Variants in FKBP8 observed in about 807,000 individuals in gnomAD.
The protein encoded by FKBP8 is FKBP prolyl isomerase 8.
A neutral mutation model predicts 41.7 loss-of-function variants in FKBP8; 5 were observed. The observed-to-expected ratio is 0.12, with a 90% CI of 0.06 to 0.25. FKBP8 has a LOEUF of 0.25. Ranked by LOEUF, FKBP8 falls within the 10% of genes least tolerant of loss-of-function variation. The probability of loss-of-function intolerance (pLI) is 1.00; values close to 1 mark genes in which losing one functional copy is unlikely to be tolerated. For synonymous variants in FKBP8, 279 were observed against 254.5 expected (o/e 1.10, Z -0.92); for missense variants, 397 against 563.0 (o/e 0.71, Z 2.98).
intron 6 of FKBP8, among the ~76,000 whole-genome samples, chr19:18,533,591 G>A (rs966060665): frequency 6.6e-6 from 1 of 152,136 alleles, no homozygotes; most frequent in Non-Finnish European, 1.5e-5. Context: ...TGTAGTCCTA[G>A]CTACTCAGGA....
intron 6 of FKBP8, among the ~76,000 whole-genome samples, chr19:18,536,868 C>T (rs1234137009): frequency 3.3e-5 from 5 of 152,192 alleles, no homozygotes; most frequent in Non-Finnish European, 1.5e-5. Context: ...GAGAGCCTGG[C>T]TAGACAGCAG....
intron 1 of FKBP8, 122 bp from the exon 2 acceptor site, chr19:18,542,117 T>C: frequency 7.1e-7 from 1 of 1,404,222 alleles, no homozygotes; most frequent in Non-Finnish European, 9.4e-7. Context: ...GGCCTCAGTT[T>C]CCTCATCTAT....
chr19:18,537,628 G>A lies in FKBP8; in HGVS notation c.918C>T (p.Asn306=), dbSNP rs141009019. The A allele has an allele frequency of 3.9e-4, 622 of 1,607,816 alleles. 3 individuals carry two copies. The African/African-American group carries it at 7.8e-3, about 20-fold the overall frequency. Residue 306 remains asparagine, a synonymous_variant, in exon 6 of 9, where the codon AAC becomes AAT. Transcript: ENST00000608443. This position sits in a 1 kb window ranked among gnomAD's most constrained non-coding sequence, Gnocchi z 4.4. The part of the protein sequence containing the change: ...CSLVLEHQPD[N]IKALFRKGKV... ...TGCCCTTGCGGAAGAGAGCCTTGAT[G>A]TTGTCTGGCTGGTGCTCCAGCACAA...
At chr19:18,541,209 G>A (rs1210815557) in intron 2 of FKBP8, among the ~76,000 whole-genome samples, 2 of 152,114 alleles carry the variant, frequency 1.3e-5, no homozygotes, top group African/African-American at 4.8e-5. Flanking sequence ...TATCACTACT[G>A]TGAACCAACC....
chr19:18,542,992 C>G lies in FKBP8; in HGVS notation c.-26+494G>C, dbSNP rs1352744337. ...CAATTCGGCCTCCCCTCCCACCCCCCACCCCAACCACCACCGCCCCCAGCA... is the reference window on the plus strand; with the variant it reads ...CAATTCGGCCTCCCCTCCCACCCCCGACCCCAACCACCACCGCCCCCAGCA... On this transcript the variant is annotated intron_variant, in intron 1 of 8. Coordinates refer to ENST00000608443, the MANE Select transcript of FKBP8 (RefSeq NM_012181.5). 7 of 933,344 alleles carry G rather than the reference C, an allele frequency of 7.5e-6. 1 individual carries two copies. In the East Asian group the frequency reaches 4.4e-4, roughly 58 times the overall value. The allele number at this position is 933,344 out of a possible 1,614,324, so 57.8% of individuals were successfully genotyped here. A position where few individuals can be genotyped will look rare whatever the true frequency, so the allele number is the denominator to read the frequency against.
intron 8 of FKBP8, 146 bp downstream of exon 8, chr19:18,532,518 A>G: frequency 7.8e-7 from 1 of 1,280,166 alleles, no homozygotes; most frequent in Non-Finnish European, 1.1e-6. Flanking sequence ...GACTCCACTC[A>G]TGATCACACA....
Position 18,532,747 on chromosome 19 carries a change from G to A in FKBP8, c.1072C>T (p.Arg358Trp), listed in dbSNP as rs1976478328. The A allele has an allele frequency of 5.0e-6, 8 of 1,613,970 alleles. No individual in the cohort carries two copies. Among genetic ancestry groups the A allele is most frequent in the African/African-American group, 1.3e-5 (1 of 74,948 alleles). Residue 358 changes from arginine to tryptophan, a missense_variant, in exon 8 of 9, where the codon CGG (arginine) becomes TGG (tryptophan). Physicochemically the swap from Arg to Trp is moderately radical, Grantham distance 101. This residue lies in a region of FKBP8 where 225 missense variants were observed against 366.8 expected (regional missense o/e 0.61). Coordinates refer to ENST00000608443, the MANE Select transcript of FKBP8 (RefSeq NM_012181.5). ...CGGTACAAGGCGGTCTCCGTGCTCCGCTGCGCCGCATGCTTCTTCACCAGC... is the reference window on the plus strand; with the variant it reads ...CGGTACAAGGCGGTCTCCGTGCTCCACTGCGCCGCATGCTTCTTCACCAGC... ...SKLVKKHAAQ[R>W]STETALYRKM...
At chr19:18,532,313 G>T in intron 8 of FKBP8, 58 bp from the exon 9 acceptor site, 1 of 1,451,426 alleles carries the variant, frequency 6.9e-7, no homozygotes, top group Non-Finnish European at 9.5e-7. Flanking sequence ...GGCCTCTGGG[G>T]CCTCAGCTGC....
intron 8 of FKBP8, 116 bp from the exon 9 acceptor site, chr19:18,532,371 A>G (rs1384756224): frequency 9.1e-7 from 1 of 1,097,910 alleles, no homozygotes; most frequent in Non-Finnish European, 1.4e-6. Context: ...CTGACTATGT[A>G]TTTCCCACTT....
rs543340984 is a variant in FKBP8, at chr19:18,539,591, G to C, written c.422C>G (p.Pro141Arg). Residue 141 changes from proline to arginine, a missense_variant, in exon 3 of 9, where the codon CCG (proline) becomes CGG (arginine). Pro to Arg is a moderately radical substitution (Grantham distance 103, BLOSUM62 -2). Around this residue, in one of 2 missense-constraint regions of FKBP8, gnomAD observed 172 missense variants for 196.2 expected, o/e 0.88. Transcript: ENST00000608443. ...LENGTRVQEE[P>R]ELVFTLGDCD... ...GTCACCCAGAGTGAACACCAGCTCC[G>C]GCTCCTCCTGCACCCGTGTGCCATT... The C allele has an allele frequency of 6.2e-7, 1 of 1,613,198 alleles. No individual in the cohort carries two copies. The highest frequency in any genetic ancestry group is 8.5e-7 in the Non-Finnish European group (1 of 1,180,002).
chr19:18,532,649 T>C lies in FKBP8; in HGVS notation c.1155+15A>G. 1.2e-6 allele frequency: 2 copies of C among 1,612,948 alleles called. No homozygotes were observed. The highest frequency in any genetic ancestry group is 2.2e-5 in the East Asian group (1 of 44,886). On this transcript the variant is annotated intron_variant, in intron 8 of 8. Coordinates refer to ENST00000608443, the MANE Select transcript of FKBP8 (RefSeq NM_012181.5). ...CCCTGCACACAGCCCCTGCCCATTCTGTGCCCCAGCTCACCCAGGCACCCT... is the reference window on the plus strand; with the variant it reads ...CCCTGCACACAGCCCCTGCCCATTCCGTGCCCCAGCTCACCCAGGCACCCT...
rs1976635980 is a variant in FKBP8 at position 18,538,721 on chromosome 19, C to T, written c.552-285G>A. The stretch of plus-strand genomic sequence containing the variant: ...GGAGTGCAGTGGTGCAATCTTGGCT[C>T]ACTGCAGCCTCAAAAACGTGGGCTC... On this transcript the variant is annotated intron_variant, in intron 4 of 8. Transcript: ENST00000608443. This position sits in a 1 kb window ranked among gnomAD's most constrained non-coding sequence, Gnocchi z 4.0. 2.0e-5 allele frequency among the ~76,000 whole-genome samples: 3 copies of T among 151,860 alleles called. No homozygotes were observed. The highest frequency in any genetic ancestry group is 4.4e-5 in the Non-Finnish European group (3 of 67,980).
chr19:18,538,367 C>T lies in FKBP8; in HGVS notation c.621G>A (p.Gly207=), dbSNP rs1214724567. 3.7e-6 allele frequency: 6 copies of T among 1,613,522 alleles called. No homozygotes were observed. The highest frequency in any genetic ancestry group is 1.3e-5 in the African/African-American group (1 of 74,928). Residue 207 remains glycine (G), a synonymous_variant, in exon 5 of 9, where the codon GGG becomes GGA. Coordinates refer to ENST00000608443, the MANE Select transcript of FKBP8 (RefSeq NM_012181.5). The surrounding 1 kb of genome is among the most constrained non-coding windows in gnomAD (Gnocchi z 4.0). ...LEVTLKTAVD[G]PDLEMLTGQE... ...GCCCCGTGAGCATCTCCAGGTCAGG[C>T]CCGTCCACAGCCGTCTTCAGGGTCA...
In FKBP8 at chr19:18,537,875, A is replaced by C; in HGVS notation, c.773-102T>G. ...CTGCCTCTCTGGCCTCAGTTTCCCC[A>C]ATTTTAACCCCGGACCAAGGGCCAC... is the stretch of plus-strand genomic sequence containing the variant. On this transcript the variant is annotated intron_variant, in intron 5 of 8. Coordinates refer to ENST00000608443, the MANE Select transcript of FKBP8 (RefSeq NM_012181.5). The surrounding 1 kb of genome is among the most constrained non-coding windows in gnomAD (Gnocchi z 4.4). The C allele has an allele frequency of 7.6e-7, 1 of 1,309,644 alleles. No homozygotes were observed. The allele number at this position is 1,309,644 out of a possible 1,614,324, so 81.1% of individuals were successfully genotyped here. A position where few individuals can be genotyped will look rare whatever the true frequency, so the allele number is the denominator to read the frequency against.
At position 18,541,621 on chromosome 19, in the gene FKBP8, G is replaced by A. The variant is rs73529545; in HGVS notation, c.292+58C>T. ...CCTCACAGCACAGATGGGGAAATGAGGCTCAGGGGACGAGAGGGCCAGGGC... is the reference window on the plus strand; with the variant it reads ...CCTCACAGCACAGATGGGGAAATGAAGCTCAGGGGACGAGAGGGCCAGGGC... On this transcript the variant is annotated intron_variant, in intron 2 of 8. Coordinates refer to ENST00000608443, the MANE Select transcript of FKBP8 (RefSeq NM_012181.5). The A allele has an allele frequency of 2.3e-3, 3,498 of 1,546,428 alleles. 59 individuals are homozygous for A. In the African/African-American group the frequency reaches 0.038, roughly 17 times the overall value.
chr19:18,539,301 C>A, intron 4 of FKBP8, 70 bp downstream of exon 4: 2 of 1,362,032 alleles, frequency 1.5e-6, no homozygotes, highest in East Asian at 4.6e-5. Context: ...TGGGGTGAGC[C>A]GAGGGGTACA....
At chr19:18,534,878 C>T (rs1277959658) in intron 6 of FKBP8, among the ~76,000 whole-genome samples, 2 of 152,132 alleles carry the variant, frequency 1.3e-5, no homozygotes, top group Non-Finnish European at 2.9e-5. Context: ...AGCTCTGCCT[C>T]CCGGGTTCAC....
At chr19:18,540,305 A>G (rs1423829402) in intron 2 of FKBP8, among the ~76,000 whole-genome samples, 1 of 152,162 alleles carries the variant, frequency 6.6e-6, no homozygotes, top group Non-Finnish European at 1.5e-5. Context: ...GGATGAATTT[A>G]TAAGTTAAGC....
rs1976758776 is a variant in FKBP8 at position 18,543,526 on chromosome 19, T to TCCCCG, written c.-71_-67dup. 1 of 140,930 alleles carries TCCCCG rather than the reference T, an allele frequency of 7.1e-6. No homozygotes were observed. The highest frequency in any genetic ancestry group is 6.9e-5 in the Admixed American group (1 of 14,392). 8.7% of individuals were successfully genotyped at this position (140,930 alleles called of 1,614,324 possible). A position where few individuals can be genotyped will look rare whatever the true frequency, so the allele number is the denominator to read the frequency against. ...CCCCACTTGGGGTCCTGCGCCCCCC[T>TCCCCG]CCCCGCCCCCAGCCGCGGCCGCCGC... is the stretch of plus-strand genomic sequence containing the variant. On this transcript the variant is annotated 5_prime_UTR_variant, in exon 1 of 9. Transcript: ENST00000608443.
Sources: gnomAD v4.1 joint callset for allele counts (sites outside exome capture counted in the v4.1 genomes callset) on GRCh38, gnomAD v4.1.1 for gene constraint, gnomAD v4.1.1 regional missense constraint, Gnocchi (gnomAD v3.1) non-coding constraint, MANE v1.5 for transcripts, NCBI Gene and HGNC (gene_info 2026-07-23, HGNC 2026-07-21) for gene names.